The following CLCN7 variants were observed in gnomAD, a reference collection of about 807,000 sequenced individuals.
The protein encoded by CLCN7 is H(+)/Cl(-) exchange transporter 7.
Under a neutral mutation model 102.1 loss-of-function variants are expected in CLCN7, and 60 were observed. The ratio of observed to expected loss-of-function variants is 0.59; its 90% CI spans 0.48 to 0.73. The LOEUF (loss-of-function observed/expected upper bound fraction) is 0.73. Among genes scored for constraint, CLCN7 ranks in the 30% least tolerant of loss-of-function variants. The pLI, the probability that CLCN7 is intolerant of heterozygous loss-of-function variation, is 0.00. For missense variants in CLCN7, 962 were observed against 1,125.7 expected (o/e 0.85, Z 2.08); for synonymous variants, 560 against 490.5 (o/e 1.14, Z -1.87).
chr16:1,466,902 G>A (rs1212696204), intron 1 of CLCN7: 3 of 117,142 alleles, frequency 2.6e-5, no homozygotes, highest in South Asian at 2.9e-4. Flanking sequence ...CTCCAGCCTA[G>A]GTAACAGCAA....
intron 5 of CLCN7, 117 bp downstream of exon 5, chr16:1,460,699 G>A (rs1291533635): frequency 1.3e-6 from 2 of 1,501,014 alleles, no homozygotes; most frequent in East Asian, 2.3e-5. Context: ...GACACAGCCA[G>A]CCTGGCCGGG....
rs1476648534 is a variant in CLCN7, at chr16:1,453,901, A to T, written c.1154-7T>A. The T allele has an allele frequency of 6.2e-7, 1 of 1,613,080 alleles. No homozygotes were observed. Among genetic ancestry groups the T allele is most frequent in the Non-Finnish European group, 8.5e-7 (1 of 1,179,998 alleles). On this transcript the variant is annotated splice_region_variant and splice_polypyrimidine_tract_variant and intron_variant, in intron 13 of 24. Transcript: ENST00000382745. ...ACTGCTCCAAGCACACCGCCTGCGA[A>T]CAGGGGAAAGGCCAGTCAGCGACAC...
intron 16 of CLCN7, among the ~76,000 whole-genome samples, chr16:1,451,343 G>A (rs1287264287): frequency 6.6e-6 from 1 of 152,208 alleles, no homozygotes; most frequent in African/African-American, 2.4e-5. Context: ...AAGTACCTGG[G>A]ACTGTGGGTG....
At position 1,446,210 on chromosome 16, in the gene CLCN7, G is replaced by GCCTTC. The variant is rs1360558789; in HGVS notation, c.*420_*421insGAAGG. On this transcript the variant is annotated 3_prime_UTR_variant, in exon 25 of 25. Coordinates refer to ENST00000382745, the MANE Select transcript of CLCN7 (RefSeq NM_001287.6). ...TCTCGAAGACTCCACTGGTGTGGAG[G>GCCTTC]CAGAGGGGCCCTTCCAGGGCAGGGC... 130 of 628,770 alleles carry GCCTTC rather than the reference G, an allele frequency of 2.1e-4. 1 individual carries two copies. The Admixed American group carries it at 3.4e-3, about 16-fold the overall frequency. The allele number at this position is 628,770 out of a possible 1,614,324, so 38.9% of individuals were successfully genotyped here.
chr16:1,460,326 G>A, intron 6 of CLCN7, 92 bp downstream of exon 6: 1 of 916,844 alleles, frequency 1.1e-6, no homozygotes. Context: ...ATGTGATGGT[G>A]GGGGTGGGTG....
At chr16:1,462,088 GAA>G (rs34780823) in intron 2 of CLCN7, among the ~76,000 whole-genome samples, 26 of 140,102 alleles carry the variant, frequency 1.9e-4, no homozygotes, top group East Asian at 4.5e-4. Flanking sequence ...CCGTCTCAAA[GAA>G]AAAAAAAAAA....
rs572569244 is a variant in CLCN7, at chr16:1,446,369, C to T, written c.*262G>A. On this transcript the variant is annotated 3_prime_UTR_variant, in exon 25 of 25. Transcript: ENST00000382745. ...GAGGTCACACACACACAGCTGATCCCTGGAGGTAAAGAAACCTAGACGAGG... is the reference window on the plus strand; with the variant it reads ...GAGGTCACACACACACAGCTGATCCTTGGAGGTAAAGAAACCTAGACGAGG... 208 of 702,298 alleles carry T rather than the reference C, an allele frequency of 3.0e-4. 2 individuals are homozygous for T. The African/African-American group carries it at 3.3e-3, about 11-fold the overall frequency. 43.5% of individuals were successfully genotyped at this position (702,298 alleles called of 1,614,324 possible). A position where few individuals can be genotyped will look rare whatever the true frequency, so the allele number is the denominator to read the frequency against.
chr16:1,462,009 C>T (rs957438388), intron 2 of CLCN7, among the ~76,000 whole-genome samples: 21 of 151,816 alleles, frequency 1.4e-4, no homozygotes, highest in African/African-American at 4.6e-4. Flanking sequence ...CGCTTGAACC[C>T]GGGATGCAGA....
Position 1,447,488 on chromosome 16 carries a change from G to A in CLCN7, c.2154C>T (p.Phe718=), listed in dbSNP as rs145775350. The A allele has an allele frequency of 3.0e-4, 472 of 1,553,196 alleles. No individual in the cohort carries two copies. The highest frequency in any genetic ancestry group is 4.1e-4 in the Admixed American group (21 of 51,502). Residue 718 remains phenylalanine (F), a synonymous_variant, in exon 23 of 25, where the codon TTC becomes TTT. Coordinates refer to ENST00000382745, the MANE Select transcript of CLCN7 (RefSeq NM_001287.6). The part of the protein sequence containing the change: ...LKDFRDAYPR[F]PPIQSIHVSQ... ...ACACGTGGATGGACTGGATGGGTGG[G>A]AAGCGCGGGTAGGCGTCTCGGAAGT...
chr16:1,452,937 C>G, intron 14 of CLCN7, 44 bp from the exon 15 acceptor site: 1 of 1,552,176 alleles, frequency 6.4e-7, no homozygotes, highest in Non-Finnish European at 8.7e-7. Context: ...GACGGCAGCG[C>G]GGCCCCTCCG....
intron 7 of CLCN7, among the ~76,000 whole-genome samples, chr16:1,458,228 C>A (rs752124095): frequency 2.0e-5 from 3 of 152,238 alleles, no homozygotes; most frequent in African/African-American, 4.8e-5. Context: ...TCCTCTCCAC[C>A]TGAGAAGGTG....
Position 1,455,722 on chromosome 16 carries a change from G to A in CLCN7, c.981+9C>T. On this transcript the variant is annotated intron_variant, in intron 11 of 24. Coordinates refer to ENST00000382745, the MANE Select transcript of CLCN7 (RefSeq NM_001287.6). ...CCTGATCAGGAGGCAGCCATCAGCA[G>A]GAACTTACGATCCTCCAGGTCAGGA... is the stretch of plus-strand genomic sequence containing the variant. 6.2e-7 allele frequency: 1 copy of A among 1,613,700 alleles called. No individual in the cohort carries two copies.
intron 2 of CLCN7, 60 bp downstream of exon 2, chr16:1,465,207 G>T: frequency 6.5e-7 from 1 of 1,537,022 alleles, no homozygotes; most frequent in Non-Finnish European, 9.0e-7. Context: ...GCCCATCCCT[G>T]TCACCCTCTG....
intron 1 of CLCN7, among the ~76,000 whole-genome samples, chr16:1,467,076 A>T (rs2745000): frequency 6.6e-6 from 1 of 151,840 alleles, no homozygotes; most frequent in Non-Finnish European, 1.5e-5. Flanking sequence ...TGGCCCTGGC[A>T]GGGGAAGGAA....
chr16:1,448,989 T>C lies in CLCN7; in HGVS notation c.1774A>G (p.Ile592Val), dbSNP rs2038699595. 3 of 1,612,670 alleles carry C rather than the reference T, an allele frequency of 1.9e-6. No homozygotes were observed. The highest frequency in any genetic ancestry group is 2.5e-6 in the Non-Finnish European group (3 of 1,179,984). The change falls in exon 19 of 25, where the codon ATC becomes GTC. Residue 592 changes from isoleucine (I) to valine (V), a missense_variant. This residue lies in a region of CLCN7 where 799 missense variants were observed against 988.0 expected (regional missense o/e 0.81). Transcript: ENST00000382745. ...PIMLVLMTAK[I>V]VGDVFIEGLY... is the part of the protein sequence containing the mutation. ...ACCTCAATGAAGACGTCGCCCACGA[T>C]CTTGGCGGTCATGAGCACCAGCATG...
At chr16:1,454,566 C>A (rs1171724950) in intron 12 of CLCN7, 101 bp from the exon 13 acceptor site, 2 of 1,154,882 alleles carry the variant, frequency 1.7e-6, no homozygotes, top group Non-Finnish European at 2.6e-6. Flanking sequence ...GCTGTCCCCA[C>A]AGAGAGCCTT....
At chr16:1,470,818 CA>C (rs1034961085) in intron 1 of CLCN7, among the ~76,000 whole-genome samples, 117 of 152,312 alleles carry the variant, frequency 7.7e-4, no homozygotes, top group African/African-American at 2.7e-3. Flanking sequence ...GGTGCCCAGG[CA>C]GGACACAGTC....
chr16:1,452,682 C>CTAG, intron 15 of CLCN7, 73 bp downstream of exon 15: 1 of 1,505,692 alleles, frequency 6.6e-7, no homozygotes, highest in Non-Finnish European at 9.0e-7. Context: ...CCTCCCGTAG[C>CTAG]CTAAGCGAGC....
chr16:1,449,503 C>T (rs2038708947), intron 17 of CLCN7, 176 bp from the exon 18 acceptor site: 1 of 639,704 alleles, frequency 1.6e-6, no homozygotes, highest in African/African-American at 1.8e-5. Flanking sequence ...GCGGAGGCTG[C>T]ATCCTTGGCC....
Sources: gnomAD v4.1 joint callset for allele counts (sites outside exome capture counted in the v4.1 genomes callset) on GRCh38, gnomAD v4.1.1 for gene constraint, gnomAD v4.1.1 regional missense constraint, MANE v1.5 for transcripts, NCBI Gene and HGNC (gene_info 2026-07-23, HGNC 2026-07-21) for gene names.